Variants in MYO5B observed in about 807,000 individuals in gnomAD.
The protein encoded by MYO5B is myosin VB.
A neutral mutation model predicts 229.3 loss-of-function variants in MYO5B; 143 were observed. The observed-to-expected ratio is 0.62, with a 90% CI of 0.54 to 0.72. MYO5B has a LOEUF of 0.72. MYO5B is among the 30% of genes least tolerant of loss of function. The pLI is 0.00. For synonymous variants in MYO5B, 918 were observed against 885.2 expected (o/e 1.04, Z -0.66); for missense variants, 2,321 against 2,331.0 (o/e 1.00, Z 0.09).
chr18:49,830,210 TAAAAA>T (rs200598400), intron 39 of MYO5B, among the ~76,000 whole-genome samples: 3 of 147,232 alleles, frequency 2.0e-5, no homozygotes, highest in African/African-American at 7.5e-5. Context: ...AAGTACATAA[TAAAAA>T]AAAACACATA....
At chr18:50,051,584 T>G (rs1408077638) in intron 2 of MYO5B, among the ~76,000 whole-genome samples, 3 of 152,114 alleles carry the variant, frequency 2.0e-5, no homozygotes, top group Admixed American at 2.0e-4. Flanking sequence ...TCACCAAGTT[T>G]TGCATCCCCT....
intron 1 of MYO5B, among the ~76,000 whole-genome samples, chr18:50,095,241 T>C: frequency 6.6e-6 from 1 of 152,216 alleles, no homozygotes; most frequent in East Asian, 1.9e-4. Flanking sequence ...TCTTCTATTG[T>C]CATAGTTGGC....
At chr18:49,969,640 A>ACACAGTGCTGGGATTATAGGCATGAGC (rs1192242266) in intron 10 of MYO5B, 28 of 152,306 alleles carry the variant, frequency 1.8e-4, no homozygotes, top group Non-Finnish European at 3.2e-4. Flanking sequence ...ACCGTTAACA[A>ACACAGTGCTGGGATTATAGGCATGAGC]CACAGTGCTG....
At chr18:50,074,860 G>T (rs573467045) in intron 1 of MYO5B, among the ~76,000 whole-genome samples, 2 of 152,036 alleles carry the variant, frequency 1.3e-5, no homozygotes, top group South Asian at 2.1e-4. Flanking sequence ...TCACTCTGTC[G>T]CCCGGGCTGG....
intron 5 of MYO5B, among the ~76,000 whole-genome samples, chr18:49,994,987 A>T (rs1288761397): frequency 6.6e-6 from 1 of 152,220 alleles, no homozygotes; most frequent in African/African-American, 2.4e-5. Context: ...CACCATACTT[A>T]CGGGAAAACT....
At chr18:50,048,204 C>T (rs2030292361) in intron 2 of MYO5B, among the ~76,000 whole-genome samples, 1 of 150,872 alleles carries the variant, frequency 6.6e-6, no homozygotes, top group Non-Finnish European at 1.5e-5. Context: ...CTTCTCCAAT[C>T]CCCAGAAAGC....
intron 16 of MYO5B, among the ~76,000 whole-genome samples, chr18:49,930,046 T>A (rs2025172690): frequency 4.6e-5 from 7 of 152,204 alleles, no homozygotes; most frequent in Admixed American, 4.6e-4. Flanking sequence ...ACTAGGCAGA[T>A]CTGGGTTTCA....
At chr18:49,856,749 T>A (rs913256980) in intron 30 of MYO5B, 64 bp downstream of exon 30, 13 of 1,389,376 alleles carry the variant, frequency 9.4e-6, no homozygotes, top group Non-Finnish European at 1.3e-5. Flanking sequence ...GAAAAACGGT[T>A]AAGCATAGAC....
At chr18:50,160,284 A>G (rs1374813506) in intron 1 of MYO5B, among the ~76,000 whole-genome samples, 1 of 152,204 alleles carries the variant, frequency 6.6e-6, no homozygotes, top group African/African-American at 2.4e-5. Context: ...TGCAGAGGGC[A>G]AGGCTGTGGA....
intron 1 of MYO5B, among the ~76,000 whole-genome samples, chr18:50,087,001 A>G (rs16951497): frequency 0.045 from 6,877 of 152,290 alleles, 169 homozygotes; most frequent in African/African-American, 0.062. Flanking sequence ...GTAAATTGTG[A>G]AAGAGACTCA....
chr18:50,111,944 C>A (rs559358862), intron 1 of MYO5B, among the ~76,000 whole-genome samples: 1 of 152,316 alleles, frequency 6.6e-6, no homozygotes, highest in East Asian at 1.9e-4. Context: ...AAGCTCTGAG[C>A]ACTGGAGCAG....
rs33975553 is a variant in MYO5B at position 50,049,024 on chromosome 18, G to GAAAA, written c.138+6240_138+6243dup. ...GCAACAGAGTGAGACTCCATCTCAGGAAAAAAAAAAAAAAAAAAGTGTGAA... is the reference window on the plus strand; with the variant it reads ...GCAACAGAGTGAGACTCCATCTCAGGAAAAAAAAAAAAAAAAAAAAAAGTGTGAA... On this transcript the variant is annotated intron_variant, in intron 2 of 39. Transcript: ENST00000285039. Among the ~76,000 whole-genome samples the GAAAA allele has an allele frequency of 1.2e-3, 155 of 126,594 alleles. 1 individual carries two copies. The highest frequency in any genetic ancestry group is 4.4e-3 in the African/African-American group (147 of 33,680). The allele number at this position is 126,594 out of a possible 152,430, so 83.1% of individuals were successfully genotyped here.
In MYO5B at chr18:50,021,691, TCTC is replaced by T. The variant is rs983557428; in HGVS notation, c.455+15156_455+15158del. Among the ~76,000 whole-genome samples, 3 of 136,076 alleles carry T rather than the reference TCTC, an allele frequency of 2.2e-5. No homozygotes were observed. In the Admixed American group the frequency reaches 2.5e-4, roughly 11 times the overall value. The allele number at this position is 136,076 out of a possible 152,430, so 89.3% of individuals were successfully genotyped here. A position where few individuals can be genotyped will look rare whatever the true frequency, so the allele number is the denominator to read the frequency against. On this transcript the variant is annotated intron_variant, in intron 4 of 39. Coordinates refer to ENST00000285039, the MANE Select transcript of MYO5B (RefSeq NM_001080467.3). ...ACCAATGCCCAATCTATGTGGTCCT[TCTC>T]CACAACACCCCATCCCATCTGCGTA...
Position 49,879,084 on chromosome 18 carries a change from A to G in MYO5B, c.3137T>C (p.Phe1046Ser). ...NQILCQSKDE[F>S]AQNSVKENLM... ...ATTTTCCTTCACAGAGTTCTGGGCA[A>G]ATTCATCTGGAAAGCAACACGCTAA... Residue 1046 changes from phenylalanine (F) to serine (S), a missense_variant, in exon 24 of 40, where the codon TTT becomes TCT. Around this residue, in one of 2 missense-constraint regions of MYO5B, gnomAD observed 2,113 missense variants for 2,044.7 expected, o/e 1.03. Coordinates refer to ENST00000285039, the MANE Select transcript of MYO5B (RefSeq NM_001080467.3). 6.2e-7 allele frequency: 1 copy of G among 1,614,154 alleles called. No individual in the cohort carries two copies. The highest frequency in any genetic ancestry group is 8.5e-7 in the Non-Finnish European group (1 of 1,180,024).
At position 50,080,302 on chromosome 18, in the gene MYO5B, C is replaced by T. The variant is rs2031188095; in HGVS notation, c.28-24924G>A. ...GTTTCTTAAAGGATCTGCATCTAGG[C>T]TCAAGGAGGACATCTGTGGGGTGCG... On this transcript the variant is annotated intron_variant, in intron 1 of 39. Transcript: ENST00000285039. 5.3e-5 allele frequency among the ~76,000 whole-genome samples: 8 copies of T among 152,280 alleles called. No individual in the cohort carries two copies. The South Asian group carries it at 1.7e-3, about 32-fold the overall frequency.
intron 2 of MYO5B, among the ~76,000 whole-genome samples, chr18:50,041,745 A>G (rs1041812366): frequency 2.0e-5 from 3 of 152,176 alleles, no homozygotes; most frequent in Non-Finnish European, 4.4e-5. Context: ...AATTATGCAA[A>G]AGCCAAAACC....
Position 49,937,332 on chromosome 18 carries a change from C to G in MYO5B, c.1818G>C (p.Lys606Asn). ...GGACGCTGATCTTCGAAGATGACCC[C>G]TTCCCAGGGGTGGTGGCAGGAACAG... is the stretch of plus-strand genomic sequence containing the variant. ...KDPVPATTPG[K>N]GSSSKISVRS... is the part of the protein sequence containing the mutation. The change falls in exon 15 of 40, where the codon AAG becomes AAC. Residue 606 changes from lysine to asparagine, a missense_variant. Physicochemically the swap from Lys to Asn is moderately conservative, Grantham distance 94. Transcript: ENST00000285039. 1 of 1,614,140 alleles carries G rather than the reference C, an allele frequency of 6.2e-7. No individual in the cohort carries two copies. The highest frequency in any genetic ancestry group is 8.5e-7 in the Non-Finnish European group (1 of 1,180,000).
intron 30 of MYO5B, 116 bp downstream of exon 30, chr18:49,856,697 T>C: frequency 1.2e-6 from 1 of 849,314 alleles, no homozygotes; most frequent in Non-Finnish European, 2.0e-6. Flanking sequence ...CCAGCCAGAC[T>C]GCATGCCAAC....
intron 1 of MYO5B, among the ~76,000 whole-genome samples, chr18:50,102,136 C>T (rs566237002): frequency 6.5e-4 from 99 of 152,214 alleles, no homozygotes; most frequent in Non-Finnish European, 1.2e-3. Flanking sequence ...ATTCTCAGCA[C>T]ACTAACACAG....
Sources: gnomAD v4.1 joint callset for allele counts (sites outside exome capture counted in the v4.1 genomes callset) on GRCh38, gnomAD v4.1.1 for gene constraint, gnomAD v4.1.1 regional missense constraint, MANE v1.5 for transcripts, NCBI Gene and HGNC (gene_info 2026-07-23, HGNC 2026-07-21) for gene names.